The following CHCHD3 variants were observed in gnomAD, a reference collection of about 807,000 sequenced individuals.
The protein encoded by CHCHD3 is coiled-coil-helix-coiled-coil-helix domain containing 3.
A neutral mutation model predicts 38.2 loss-of-function variants in CHCHD3; 20 were observed. The ratio of observed to expected loss-of-function variants is 0.52; its 90% CI spans 0.37 to 0.76. The LOEUF (loss-of-function observed/expected upper bound fraction) is 0.76, where lower values mean the gene tolerates loss of function less well. Among genes scored for constraint, CHCHD3 ranks in the 30% least tolerant of loss-of-function variants. The pLI, the probability that CHCHD3 is intolerant of heterozygous loss-of-function variation, is 0.00. For missense variants in CHCHD3, 245 were observed against 279.2 expected (o/e 0.88, Z 0.87); for synonymous variants, 82 against 100.0 (o/e 0.82, Z 1.07).
At chr7:133,053,639 G>A (rs1462968980) in intron 2 of CHCHD3, among the ~76,000 whole-genome samples, 5 of 152,136 alleles carry the variant, frequency 3.3e-5, no homozygotes, top group South Asian at 4.1e-4. Context: ...CTCCCAAGAC[G>A]TTAATCTGAA....
At chr7:132,949,181 G>C (rs1371383663) in intron 4 of CHCHD3, among the ~76,000 whole-genome samples, 3 of 152,058 alleles carry the variant, frequency 2.0e-5, no homozygotes, top group Non-Finnish European at 4.4e-5. Context: ...CAGGGCCTCT[G>C]AATTTTTGCA....
At chr7:132,786,886 A>T (rs1806335153) in intron 7 of CHCHD3, among the ~76,000 whole-genome samples, 1 of 152,152 alleles carries the variant, frequency 6.6e-6, no homozygotes, top group Non-Finnish European at 1.5e-5. Context: ...GTAGAAAGTA[A>T]TTTTTTCCTT....
At chr7:132,814,012 G>A (rs1192395189) in intron 6 of CHCHD3, among the ~76,000 whole-genome samples, 2 of 152,198 alleles carry the variant, frequency 1.3e-5, no homozygotes, top group African/African-American at 4.8e-5. Context: ...GCTGGTGGCA[G>A]GGCTGCTACT....
At chr7:132,825,733 C>T (rs1308442953) in intron 6 of CHCHD3, among the ~76,000 whole-genome samples, 1 of 152,202 alleles carries the variant, frequency 6.6e-6, no homozygotes, top group African/African-American at 2.4e-5. Flanking sequence ...GCACTACCAC[C>T]CAGCTTTGAT....
chr7:132,863,652 C>T (rs1004202591), intron 5 of CHCHD3, among the ~76,000 whole-genome samples: 5 of 152,176 alleles, frequency 3.3e-5, no homozygotes, highest in African/African-American at 9.6e-5. Context: ...AATCTTCTTC[C>T]GATAGAAGGC....
intron 6 of CHCHD3, among the ~76,000 whole-genome samples, chr7:132,805,415 G>A (rs1806891967): frequency 6.6e-6 from 1 of 152,080 alleles, no homozygotes; most frequent in Non-Finnish European, 1.5e-5. Context: ...AGACTCAGAG[G>A]GCGTTTGAGA....
chr7:132,964,875 T>C (rs977358093), intron 4 of CHCHD3, among the ~76,000 whole-genome samples: 5 of 152,176 alleles, frequency 3.3e-5, no homozygotes, highest in African/African-American at 1.2e-4. Flanking sequence ...AAATGCAAAA[T>C]GGTTTCTATG....
chr7:133,060,863 T>C (rs544799098), intron 2 of CHCHD3, among the ~76,000 whole-genome samples: 4 of 152,176 alleles, frequency 2.6e-5, no homozygotes, highest in African/African-American at 9.6e-5. Flanking sequence ...TGAGCCAAGA[T>C]TGAGGCATTG....
intron 5 of CHCHD3, among the ~76,000 whole-genome samples, chr7:132,839,042 AT>A (rs1395299975): frequency 3.3e-5 from 5 of 152,062 alleles, no homozygotes; most frequent in South Asian, 2.1e-4. Context: ...AAAAAAAAAA[AT>A]TAGCTGGGCA....
At chr7:132,973,181 A>C (rs764696218) in intron 4 of CHCHD3, 146 of 985,330 alleles carry the variant, frequency 1.5e-4, no homozygotes, top group Non-Finnish European at 1.7e-4. Context: ...GTGGAGAAAG[A>C]GTGCTTCAAA....
chr7:132,975,030 G>A (rs1585690400), intron 4 of CHCHD3, 139 bp downstream of exon 4: 1 of 684,770 alleles, frequency 1.5e-6, no homozygotes, highest in Middle Eastern at 4.2e-4. Context: ...ACTTATAAAA[G>A]GCAAAAATCA....
intron 5 of CHCHD3, among the ~76,000 whole-genome samples, chr7:132,868,435 A>C (rs1808685375): frequency 6.6e-6 from 1 of 152,066 alleles, no homozygotes; most frequent in Non-Finnish European, 1.5e-5. Flanking sequence ...TAATTTAGTC[A>C]AAAAAATTAC....
At chr7:132,870,880 GA>G (rs1808752610) in intron 5 of CHCHD3, among the ~76,000 whole-genome samples, 1 of 151,948 alleles carries the variant, frequency 6.6e-6, no homozygotes, top group Admixed American at 6.6e-5. Context: ...TTCATTGCTT[GA>G]AAAAAGTGTA....
At chr7:132,873,121 G>T (rs1318641107) in intron 5 of CHCHD3, among the ~76,000 whole-genome samples, 9 of 151,926 alleles carry the variant, frequency 5.9e-5, no homozygotes, top group Admixed American at 1.3e-4. Context: ...AAATGAAGAG[G>T]GGGAGGATGA....
intron 3 of CHCHD3, among the ~76,000 whole-genome samples, chr7:133,000,804 T>A (rs1342305950): frequency 6.6e-6 from 1 of 152,194 alleles, no homozygotes; most frequent in African/African-American, 2.4e-5. Flanking sequence ...TTTGTCACAC[T>A]GAGTCTCTGG....
intron 5 of CHCHD3, among the ~76,000 whole-genome samples, chr7:132,853,542 G>A (rs62467043): frequency 0.24 from 36,218 of 151,864 alleles, 4,425 homozygotes; most frequent in South Asian, 0.26. Context: ...GAATCACTTG[G>A]ACCTGGGAGG....
chr7:132,809,400 A>G (rs986959423), intron 6 of CHCHD3, among the ~76,000 whole-genome samples: 4 of 152,132 alleles, frequency 2.6e-5, no homozygotes, highest in Non-Finnish European at 5.9e-5. Flanking sequence ...TTAACTTTCA[A>G]ATAGTCTATC....
At chr7:132,786,160 A>G (rs976778859) in intron 7 of CHCHD3, among the ~76,000 whole-genome samples, 1 of 152,222 alleles carries the variant, frequency 6.6e-6, no homozygotes, top group Non-Finnish European at 1.5e-5. Context: ...CTTGGGCAAC[A>G]GTCTTTGCTG....
At chr7:132,965,652 T>C (rs1811445262) in intron 4 of CHCHD3, among the ~76,000 whole-genome samples, 2 of 152,156 alleles carry the variant, frequency 1.3e-5, no homozygotes, top group Non-Finnish European at 2.9e-5. Flanking sequence ...AGATAGGATT[T>C]AAAATATGTG....
Sources: gnomAD v4.1 joint callset for allele counts (sites outside exome capture counted in the v4.1 genomes callset) on GRCh38, gnomAD v4.1.1 for gene constraint, MANE v1.5 for transcripts, NCBI Gene and HGNC (gene_info 2026-07-23, HGNC 2026-07-21) for gene names.